The following DLL4 variants were observed in gnomAD, a reference collection of about 807,000 sequenced individuals.
DLL4 encodes the protein delta like canonical Notch ligand 4, also known as delta-like protein 4.
A neutral mutation model predicts 73.6 loss-of-function variants in DLL4; 7 were observed. That is an observed-to-expected ratio of 0.10 (90% CI 0.05 to 0.18). The LOEUF (loss-of-function observed/expected upper bound fraction) is 0.18. Ranked by LOEUF, DLL4 falls within the 10% of genes least tolerant of loss-of-function variation. The pLI is 1.00. For missense variants in DLL4, 614 were observed against 929.9 expected (o/e 0.66, Z 4.42); for synonymous variants, 345 against 374.3 (o/e 0.92, Z 0.90).
chr15:40,935,267 G>T (rs1024765599), intron 8 of DLL4, 150 bp downstream of exon 8: 5 of 845,230 alleles, frequency 5.9e-6, no homozygotes, highest in Non-Finnish European at 9.1e-6. Flanking sequence ...TGATCAGCTG[G>T]GGGGCTGTGG....
intron 4 of DLL4, 82 bp from the exon 5 acceptor site, chr15:40,932,089 G>C (rs1227829210): frequency 9.8e-6 from 15 of 1,523,618 alleles, no homozygotes; most frequent in Non-Finnish European, 1.3e-5. Flanking sequence ...AGAGCTAGGG[G>C]ATCCCCAGGG....
intron 8 of DLL4, among the ~76,000 whole-genome samples, chr15:40,935,441 G>T (rs1177878570): frequency 6.6e-6 from 1 of 152,218 alleles, no homozygotes; most frequent in East Asian, 1.9e-4. Flanking sequence ...GAGGCTTCAT[G>T]TTTCTCCTCA....
In DLL4 at chr15:40,937,522, C is replaced by T. The variant is rs770085754; in HGVS notation, c.2048C>T (p.Thr683Met). 12 of 1,604,530 alleles carry T rather than the reference C, an allele frequency of 7.5e-6. No homozygotes were observed. Among genetic ancestry groups the T allele is most frequent in the African/African-American group, 2.7e-5 (2 of 74,704 alleles). Reference sequence around the variant, plus strand: ...GAGAGGAATGAATGTGTCATTGCCACGGAGGTGAGTGCTGGGCTCGCCTTT... The same window carrying T: ...GAGAGGAATGAATGTGTCATTGCCATGGAGGTGAGTGCTGGGCTCGCCTTT... ...SEERNECVIATEV is the reference protein window; with the variant it reads ...SEERNECVIAMEV Residue 683 changes from threonine (T) to methionine (M), a missense_variant, in exon 10 of 11, where the codon ACG becomes ATG. Thr to Met is a moderately conservative substitution (Grantham distance 81). This residue lies in a region of DLL4 where 386 missense variants were observed against 541.3 expected (regional missense o/e 0.71). Coordinates refer to ENST00000249749, the MANE Select transcript of DLL4 (RefSeq NM_019074.4).
At position 40,934,841 on chromosome 15, in the gene DLL4, G is replaced by T. The variant is rs1892819938; in HGVS notation, c.1021-57G>T. On this transcript the variant is annotated intron_variant, in intron 7 of 10. Coordinates refer to ENST00000249749, the MANE Select transcript of DLL4 (RefSeq NM_019074.4). ...GTGGGCAGGTGGAGCCCAGCCTTCA[G>T]TCACACATCCCTGCCCCCCAGGGTC... 16 of 1,592,670 alleles carry T rather than the reference G, an allele frequency of 1.0e-5. No individual in the cohort carries two copies. The South Asian group carries it at 1.8e-4, about 18-fold the overall frequency.
intron 7 of DLL4, 43 bp from the exon 8 acceptor site, chr15:40,934,855 C>A: frequency 6.3e-7 from 1 of 1,596,418 alleles, no homozygotes. Flanking sequence ...CACATCCCTG[C>A]CCCCCAGGGT....
chr15:40,932,371 C>T lies in DLL4; in HGVS notation c.774C>T (p.Gly258=), dbSNP rs775899014. The T allele has an allele frequency of 2.4e-5, 38 of 1,613,884 alleles. No individual in the cohort carries two copies. Among genetic ancestry groups the T allele is most frequent in the Non-Finnish European group, 3.2e-5 (38 of 1,179,916 alleles). Residue 258 remains glycine (G), a synonymous_variant, in exon 6 of 11, where the codon GGC becomes GGT. Transcript: ENST00000249749. ...RLCNECIPHN[G]CRHGTCSTPW... The stretch of plus-strand genomic sequence containing the variant: ...GTAACGAATGCATCCCCCACAATGG[C>T]TGTCGCCACGGCACCTGCAGCACTC...
rs760547707 is a variant in DLL4, at chr15:40,929,656, G to A, written c.-13G>A. 6 of 1,524,886 alleles carry A rather than the reference G, an allele frequency of 3.9e-6. No individual in the cohort carries two copies. Among genetic ancestry groups the A allele is most frequent in the Middle Eastern group, 2.4e-4 (1 of 4,156 alleles). The allele number at this position is 1,524,886 out of a possible 1,614,324, so 94.5% of individuals were successfully genotyped here. A position where few individuals can be genotyped will look rare whatever the true frequency, so the allele number is the denominator to read the frequency against. On this transcript the variant is annotated 5_prime_UTR_variant, in exon 1 of 11. Transcript: ENST00000249749. This position sits in a 1 kb window ranked among gnomAD's most constrained non-coding sequence, Gnocchi z 7.1. ...TTGAGGGCCCGCGGGTGGAGAGAGC[G>A]ACGCCCGAGGGGATGGCGGCAGCGT...
In DLL4 at chr15:40,931,541, A is replaced by C; in HGVS notation, c.433A>C (p.Ile145Leu). 2 of 1,610,508 alleles carry C rather than the reference A, an allele frequency of 1.2e-6. No individual in the cohort carries two copies. Among genetic ancestry groups the C allele is most frequent in the Non-Finnish European group, 1.7e-6 (2 of 1,178,460 alleles). ...PPDALISKIA[I>L]QGSLAVGQNW... ...AGATGCACTCATCAGCAAGATCGCC[A>C]TCCAGGGCTCCCTAGCTGTGGGTCA... The change falls in exon 4 of 11, where the codon ATC (isoleucine) becomes CTC (leucine). Residue 145 changes from isoleucine (I) to leucine (L), a missense_variant. By Grantham distance (5) the Ile-to-Leu change is conservative. Coordinates refer to ENST00000249749, the MANE Select transcript of DLL4 (RefSeq NM_019074.4).
rs533908413 is a variant in DLL4, at chr15:40,933,573, T to C, written c.851-975T>C. ...CCTATGGTGGCTCTCATCTCTCCTC[T>C]ACCATTTCTACCTGTTGAAATTTTA... On this transcript the variant is annotated intron_variant, in intron 6 of 10. Transcript: ENST00000249749. 8.5e-5 allele frequency among the ~76,000 whole-genome samples: 13 copies of C among 152,322 alleles called. No homozygotes were observed. The South Asian group carries it at 2.7e-3, about 32-fold the overall frequency.
Position 40,930,554 on chromosome 15 carries a change from C to A in DLL4, c.337-71C>A. 7.7e-7 allele frequency: 1 copy of A among 1,290,506 alleles called. No individual in the cohort carries two copies. The allele number at this position is 1,290,506 out of a possible 1,614,324, so 79.9% of individuals were successfully genotyped here. On this transcript the variant is annotated intron_variant, in intron 2 of 10. Transcript: ENST00000249749. The surrounding 1 kb of genome is among the most constrained non-coding windows in gnomAD (Gnocchi z 5.7). ...GCAATTAGATTAATTAAACAGGCTG[C>A]CGCAAGGCACCCCCACCTCTCCCCG... is the stretch of plus-strand genomic sequence containing the variant.
chr15:40,938,063 C>G lies in DLL4; in HGVS notation c.*29C>G. ...AGGAGCCTACCTGGACATCCCTGCT[C>G]AGCCCCGCGGCTGGACCTTCCTTCT... On this transcript the variant is annotated 3_prime_UTR_variant, in exon 11 of 11. Transcript: ENST00000249749. 6.5e-7 allele frequency: 1 copy of G among 1,540,744 alleles called. No homozygotes were observed.
chr15:40,931,804 G>T (rs750399275), intron 4 of DLL4, 38 bp downstream of exon 4: 1 of 1,608,702 alleles, frequency 6.2e-7, no homozygotes, highest in Non-Finnish European at 8.5e-7. Flanking sequence ...GAAGGGGAGG[G>T]TCCCCTGAGG....
In DLL4 at chr15:40,937,439, A is replaced by G; in HGVS notation, c.1965A>G (p.Ile655Met). The change falls in exon 10 of 11, where the codon ATA (isoleucine) becomes ATG (methionine). Residue 655 changes from isoleucine (I) to methionine (M), a missense_variant. Ile to Met is a conservative substitution (Grantham distance 10). Transcript: ENST00000249749. ...RLHSEKPECR[I>M]SAICSPRDSM... ...TCAGTGAAAAGCCAGAGTGTCGGAT[A>G]TCAGCGATATGCTCCCCCAGGGACT... The G allele has an allele frequency of 6.2e-7, 1 of 1,613,622 alleles. No homozygotes were observed. The highest frequency in any genetic ancestry group is 1.3e-5 in the African/African-American group (1 of 75,036).
In DLL4 at chr15:40,936,787, G is replaced by A. The variant is rs1892852666; in HGVS notation, c.1800G>A (p.Leu600=). 1 of 1,613,852 alleles carries A rather than the reference G, an allele frequency of 6.2e-7. No homozygotes were observed. The highest frequency in any genetic ancestry group is 1.3e-5 in the African/African-American group (1 of 75,058). The stretch of plus-strand genomic sequence containing the variant: ...AGGAGCTGGAAGTGGACTGTGGCCT[G>A]GACAAGTCCAACTGTGGCAAACAGC... ...QKKELEVDCG[L]DKSNCGKQQN... The change falls in exon 9 of 11, where the codon CTG becomes CTA. Residue 600 remains leucine (L), a synonymous_variant. Transcript: ENST00000249749.
In DLL4 at chr15:40,929,368, C is replaced by G. The variant is rs1053186931; in HGVS notation, c.-301C>G. ...AGCGGCGCTGCGCGCAGGCCGGGAA[C>G]ACGAGGCCAAGAGCCGCAGCCCCAG... is the stretch of plus-strand genomic sequence containing the variant. On this transcript the variant is annotated 5_prime_UTR_variant, in exon 1 of 11. Coordinates refer to ENST00000249749, the MANE Select transcript of DLL4 (RefSeq NM_019074.4). This position sits in a 1 kb window ranked among gnomAD's most constrained non-coding sequence, Gnocchi z 7.1. The G allele has an allele frequency of 4.8e-6, 2 of 415,912 alleles. No individual in the cohort carries two copies. Among genetic ancestry groups the G allele is most frequent in the African/African-American group, 4.1e-5 (2 of 48,216 alleles). The allele number at this position is 415,912 out of a possible 1,614,324, so 25.8% of individuals were successfully genotyped here.
rs1446168903 is a variant in DLL4, at chr15:40,938,304, A to G, written c.*270A>G. ...AGATGCCACTGGGCACTGCCCTGCC[A>G]GTAGTGGCCTTCAGGGGGCTCCTTC... is the stretch of plus-strand genomic sequence containing the variant. On this transcript the variant is annotated 3_prime_UTR_variant, in exon 11 of 11. Transcript: ENST00000249749. 1 of 363,492 alleles carries G rather than the reference A, an allele frequency of 2.8e-6. No individual in the cohort carries two copies. Among genetic ancestry groups the G allele is most frequent in the Non-Finnish European group, 4.9e-6 (1 of 203,502 alleles). The allele number at this position is 363,492 out of a possible 1,614,324, so 22.5% of individuals were successfully genotyped here.
At position 40,931,784 on chromosome 15, in the gene DLL4, C is replaced by T. The variant is rs1377708863; in HGVS notation, c.658+18C>T. The T allele has an allele frequency of 1.2e-6, 2 of 1,612,404 alleles. No individual in the cohort carries two copies. The highest frequency in any genetic ancestry group is 1.7e-6 in the Non-Finnish European group (2 of 1,179,180). ...CCAACAGCGTAAGCAGTCAAGCTCC[C>T]ACCTGTGTGGAAGGGGAGGGTCCCC... On this transcript the variant is annotated intron_variant, in intron 4 of 10. Coordinates refer to ENST00000249749, the MANE Select transcript of DLL4 (RefSeq NM_019074.4).
In DLL4 at chr15:40,930,168, G is replaced by A; in HGVS notation, c.336+52G>A. 5 of 1,569,640 alleles carry A rather than the reference G, an allele frequency of 3.2e-6. No homozygotes were observed. The highest frequency in any genetic ancestry group is 4.3e-6 in the Non-Finnish European group (5 of 1,157,936). ...GGTCGCAGAAGCCGAGAGAGGAGGC[G>A]CCCTGGGACCAAAGCCCCCTCCCCA... On this transcript the variant is annotated intron_variant, in intron 2 of 10. Transcript: ENST00000249749. The surrounding 1 kb of genome is among the most constrained non-coding windows in gnomAD (Gnocchi z 5.7).
At chr15:40,931,896 G>A in intron 4 of DLL4, 130 bp downstream of exon 4, 1 of 1,246,286 alleles carries the variant, frequency 8.0e-7, no homozygotes, top group Non-Finnish European at 1.1e-6. Flanking sequence ...CCTCAGGGAT[G>A]CTGAGGGTGG....
Sources: allele counts gnomAD v4.1 joint callset (sites outside exome capture counted in the v4.1 genomes callset), GRCh38; gene constraint gnomAD v4.1.1; regional missense constraint gnomAD v4.1.1; non-coding constraint Gnocchi (gnomAD v3.1); transcripts MANE v1.5; gene names NCBI Gene and HGNC (gene_info 2026-07-23, HGNC 2026-07-21).